The following MTMR3 variants were observed in gnomAD, a reference collection of about 807,000 sequenced individuals.
MTMR3 encodes the protein phosphatidylinositol-3,5-bisphosphate 3-phosphatase MTMR3.
A neutral mutation model predicts 132.4 loss-of-function variants in MTMR3; 32 were observed. The observed-to-expected ratio is 0.24, with a 90% confidence interval of 0.18 to 0.32. The LOEUF (loss-of-function observed/expected upper bound fraction) is 0.32, where lower values mean the gene tolerates loss of function less well. Ranked by LOEUF, MTMR3 falls within the 10% of genes least tolerant of loss-of-function variation. The pLI, the probability that MTMR3 is intolerant of heterozygous loss-of-function variation, is 1.00. For missense variants in MTMR3, 1,216 were observed against 1,489.6 expected, an observed-to-expected ratio of 0.82 and a Z score of 3.02; for synonymous variants, 556 against 550.3, an observed-to-expected ratio of 1.01 and a Z score of -0.14.
At chr22:30,000,773 G>C (rs1052249492) in intron 8 of MTMR3, 1 of 152,202 alleles carries the variant, frequency 6.6e-6, no homozygotes, top group Non-Finnish European at 1.5e-5. Context: ...GCTGGATGAG[G>C]GGGCGGCCTC....
In MTMR3 at chr22:30,020,253, G is replaced by A; in HGVS notation, c.2594G>A (p.Arg865Lys). The change falls in exon 17 of 20, where the codon AGA becomes AAA. Residue 865 changes from arginine to lysine, a missense_variant. Around this residue, in one of 7 missense-constraint regions of MTMR3, gnomAD observed 852 missense variants for 852.0 expected, o/e 1.00. Coordinates refer to ENST00000401950, the MANE Select transcript of MTMR3 (RefSeq NM_021090.4). ...GTAAGTGGGCCCCAAGGTCATCATAGATCTTGCCTTGTAAATAGTGGCAAG... is the reference window on the plus strand; with the variant it reads ...GTAAGTGGGCCCCAAGGTCATCATAAATCTTGCCTTGTAAATAGTGGCAAG... ...KSVSGPQGHH[R>K]SCLVNSGKDR... 1.2e-6 allele frequency: 2 copies of A among 1,614,202 alleles called. No individual in the cohort carries two copies. The highest frequency in any genetic ancestry group is 1.7e-6 in the Non-Finnish European group (2 of 1,180,036).
At chr22:29,906,280 CTGTCT>C in intron 1 of MTMR3, among the ~76,000 whole-genome samples, 1 of 67,716 alleles carries the variant, frequency 1.5e-5, no homozygotes, top group African/African-American at 6.3e-5. Flanking sequence ...GTCTGTCTGT[CTGTCT>C]GTCTATCTAT....
chr22:30,003,287 A>T (rs1368605995), intron 9 of MTMR3: 1 of 235,686 alleles, frequency 4.2e-6, no homozygotes, highest in Non-Finnish European at 8.3e-6. Context: ...TAATGTGCTT[A>T]CTAAGCATTT....
intron 1 of MTMR3, among the ~76,000 whole-genome samples, chr22:29,895,610 C>T (rs759411605): frequency 1.2e-4 from 18 of 152,200 alleles, no homozygotes; most frequent in South Asian, 2.1e-4. Context: ...AACGTGTTGT[C>T]GGGTGGTTGT....
At chr22:30,000,783 CAG>C (rs1007494075) in intron 8 of MTMR3, 1 of 152,196 alleles carries the variant, frequency 6.6e-6, no homozygotes, top group Non-Finnish European at 1.5e-5. Flanking sequence ...GGGGCGGCCT[CAG>C]AGAGCCTGTG....
At chr22:29,985,500 A>AAAAGAAAG (rs373243851) in intron 5 of MTMR3, 3 of 152,120 alleles carry the variant, frequency 2.0e-5, no homozygotes, top group Non-Finnish European at 2.9e-5. Flanking sequence ...ACTCCATCTC[A>AAAAGAAAG]AAAGAAAGAA....
chr22:29,931,525 C>T (rs1023870019), intron 1 of MTMR3, among the ~76,000 whole-genome samples: 1 of 152,204 alleles, frequency 6.6e-6, no homozygotes, highest in Non-Finnish European at 1.5e-5. Context: ...AGCGATTCTT[C>T]TGCCTCAGCC....
At chr22:29,946,021 T>TTGTGTGTGTGTG (rs57792760) in intron 1 of MTMR3, among the ~76,000 whole-genome samples, 1,518 of 150,876 alleles carry the variant, frequency 0.01, 15 homozygotes, top group African/African-American at 0.03. Flanking sequence ...GTGTATATAT[T>TTGTGTGTGTGTG]TGTGTGTGTG....
chr22:29,980,173 A>G (rs2066712276), intron 5 of MTMR3: 1 of 151,000 alleles, frequency 6.6e-6, no homozygotes, highest in Admixed American at 6.6e-5. Flanking sequence ...AATCTTGTTC[A>G]TTCGTTTTAC....
At chr22:30,006,959 G>A (rs997691487) in intron 9 of MTMR3, 155 bp from the exon 10 acceptor site, 8 of 672,260 alleles carry the variant, frequency 1.2e-5, no homozygotes, top group Admixed American at 5.8e-5. Context: ...TGTTGGTTGT[G>A]TAAGATTTCT....
chr22:29,949,320 T>C (rs1413140276), intron 1 of MTMR3, among the ~76,000 whole-genome samples: 3 of 151,824 alleles, frequency 2.0e-5, no homozygotes, highest in Non-Finnish European at 2.9e-5. Flanking sequence ...AAACACCCCA[T>C]CTGTACTAAA....
rs556725216 is a variant in MTMR3 at position 29,942,739 on chromosome 22, C to T, written c.-137-14297C>T. 5.3e-5 allele frequency among the ~76,000 whole-genome samples: 8 copies of T among 152,326 alleles called. No individual in the cohort carries two copies. The East Asian group carries it at 1.5e-3, about 29-fold the overall frequency. On this transcript the variant is annotated intron_variant, in intron 1 of 19. Transcript: ENST00000401950. ...TTGAAAGAAAAATATGGCTCTGTTC[C>T]ATCCGGCTCACCGGCAGTCAGAGTT...
At chr22:29,911,753 A>T (rs901622318) in intron 1 of MTMR3, among the ~76,000 whole-genome samples, 4 of 152,112 alleles carry the variant, frequency 2.6e-5, no homozygotes, top group Non-Finnish European at 4.4e-5. Flanking sequence ...AATATTCAGG[A>T]TCAGTGGAGT....
chr22:29,915,266 T>A (rs1034193269), intron 1 of MTMR3, among the ~76,000 whole-genome samples: 2 of 152,260 alleles, frequency 1.3e-5, no homozygotes, highest in Non-Finnish European at 2.9e-5. Flanking sequence ...TACTTTAACA[T>A]GAATATAACT....
At chr22:29,884,371 G>GA (rs1293028094) in intron 1 of MTMR3, among the ~76,000 whole-genome samples, 1 of 152,116 alleles carries the variant, frequency 6.6e-6, no homozygotes, top group African/African-American at 2.4e-5. Flanking sequence ...AATTACAGGA[G>GA]ATTATTATTA....
At chr22:29,931,792 T>TG (rs202208179) in intron 1 of MTMR3, among the ~76,000 whole-genome samples, 2,469 of 151,856 alleles carry the variant, frequency 0.016, 64 homozygotes, top group African/African-American at 0.057. Context: ...TTTTTTTTTT[T>TG]TTTTTAAAGC....
intron 1 of MTMR3, among the ~76,000 whole-genome samples, chr22:29,897,476 G>A (rs544971180): frequency 2.2e-4 from 33 of 151,568 alleles, no homozygotes; most frequent in Admixed American, 1.7e-3. Flanking sequence ...TTTTTGAGAC[G>A]GGCTCTCACT....
chr22:29,962,802 A>G (rs1218011445), intron 2 of MTMR3, among the ~76,000 whole-genome samples: 4 of 152,158 alleles, frequency 2.6e-5, no homozygotes, highest in African/African-American at 7.2e-5. Flanking sequence ...AAATGATATC[A>G]TAACAATATG....
At chr22:29,884,265 A>AAAC (rs2064619593) in intron 1 of MTMR3, among the ~76,000 whole-genome samples, 1 of 151,894 alleles carries the variant, frequency 6.6e-6, no homozygotes, top group South Asian at 2.1e-4. Context: ...CAAACAAACA[A>AAAC]AACAAAACAA....
Sources: allele counts gnomAD v4.1 joint callset (sites outside exome capture counted in the v4.1 genomes callset), GRCh38; gene constraint gnomAD v4.1.1; regional missense constraint gnomAD v4.1.1; transcripts MANE v1.5; gene names NCBI Gene and HGNC (gene_info 2026-07-23, HGNC 2026-07-21).